The following GRM8 variants were observed in gnomAD, a reference collection of about 807,000 sequenced individuals.
GRM8 encodes metabotropic glutamate receptor 8.
In GRM8, 47 loss-of-function variants were observed where a neutral mutation model predicts 87.2. That is an observed-to-expected ratio of 0.54 (90% CI 0.43 to 0.69). GRM8 has a LOEUF of 0.69. Among genes scored for constraint, GRM8 ranks in the 30% least tolerant of loss-of-function variants. The pLI is 0.00. For missense variants in GRM8, 1,019 were observed against 1,139.2 expected (o/e 0.89, Z 1.52); for synonymous variants, 396 against 404.5 (o/e 0.98, Z 0.25).
intron 7 of GRM8, among the ~76,000 whole-genome samples, chr7:126,661,058 A>G (rs1805108336): frequency 6.6e-6 from 1 of 152,236 alleles, no homozygotes; most frequent in African/African-American, 2.4e-5. Context: ...TGGGTTAAAA[A>G]AATAGTTAGA....
intron 3 of GRM8, chr7:127,075,979 T>G (rs1822216689): frequency 2.8e-6 from 1 of 358,500 alleles, no homozygotes; most frequent in Non-Finnish European, 5.5e-6. Flanking sequence ...GCTACAATGT[T>G]TAATGAATTG....
intron 2 of GRM8, among the ~76,000 whole-genome samples, chr7:127,154,401 T>C (rs1013470129): frequency 2.0e-5 from 3 of 152,030 alleles, no homozygotes; most frequent in African/African-American, 7.2e-5. Context: ...GTAAGTGATG[T>C]TCTCTCTCAC....
At chr7:126,826,123 T>A (rs1269770910) in intron 6 of GRM8, among the ~76,000 whole-genome samples, 3 of 152,134 alleles carry the variant, frequency 2.0e-5, no homozygotes, top group African/African-American at 7.2e-5. Flanking sequence ...TCTATCATTG[T>A]TGGACATTTG....
At chr7:126,939,546 G>T (rs554563169) in intron 3 of GRM8, among the ~76,000 whole-genome samples, 42 of 152,282 alleles carry the variant, frequency 2.8e-4, no homozygotes, top group Non-Finnish European at 5.7e-4. Context: ...ATGGATGACG[G>T]AAACTTTATT....
intron 3 of GRM8, among the ~76,000 whole-genome samples, chr7:126,988,769 C>A (rs897393425): frequency 6.6e-6 from 1 of 152,108 alleles, no homozygotes; most frequent in Non-Finnish European, 1.5e-5. Flanking sequence ...ATACATGCAA[C>A]CTGAATATTC....
At chr7:126,614,139 A>G (rs1253901544) in intron 7 of GRM8, among the ~76,000 whole-genome samples, 1 of 152,186 alleles carries the variant, frequency 6.6e-6, no homozygotes, top group Non-Finnish European at 1.5e-5. Context: ...GTAGGGGCAG[A>G]CTAACACCTC....
At chr7:126,612,592 C>A (rs181850329) in intron 7 of GRM8, among the ~76,000 whole-genome samples, 1 of 152,298 alleles carries the variant, frequency 6.6e-6, no homozygotes, top group Admixed American at 6.5e-5. Flanking sequence ...TGTACCTGAC[C>A]AAACATTTAT....
At chr7:127,091,776 G>A (rs1339962965) in intron 3 of GRM8, among the ~76,000 whole-genome samples, 29 of 50,554 alleles carry the variant, frequency 5.7e-4, no homozygotes, top group Admixed American at 4.2e-3. Context: ...TCCCTCCGCC[G>A]TCCCACTGAT....
At chr7:126,671,511 G>A (rs189307031) in intron 7 of GRM8, among the ~76,000 whole-genome samples, 11 of 152,262 alleles carry the variant, frequency 7.2e-5, no homozygotes, top group African/African-American at 2.6e-4. Flanking sequence ...CTTATCATAT[G>A]CTTGTCATTA....
chr7:126,677,492 A>G (rs1272711255), intron 7 of GRM8, among the ~76,000 whole-genome samples: 1 of 152,184 alleles, frequency 6.6e-6, no homozygotes, highest in African/African-American at 2.4e-5. Context: ...AAAACGTCAT[A>G]TATATACACC....
chr7:127,116,888 G>C (rs1223708850), intron 2 of GRM8, among the ~76,000 whole-genome samples: 3 of 152,126 alleles, frequency 2.0e-5, no homozygotes, highest in Non-Finnish European at 4.4e-5. Flanking sequence ...GCAAAACTGG[G>C]GTTCTTATGC....
intron 9 of GRM8, among the ~76,000 whole-genome samples, chr7:126,453,393 A>C (rs1802868517): frequency 6.6e-6 from 1 of 151,710 alleles, no homozygotes; most frequent in Admixed American, 6.6e-5. Flanking sequence ...CATATTTGCA[A>C]CATGAAGAGT....
intron 8 of GRM8, among the ~76,000 whole-genome samples, chr7:126,587,414 C>T (rs1343159970): frequency 6.6e-6 from 1 of 152,114 alleles, no homozygotes; most frequent in Admixed American, 6.5e-5. Flanking sequence ...ATAGCAAAGA[C>T]TTGGAACCAA....
chr7:127,009,447 C>T (rs750847432), intron 3 of GRM8, among the ~76,000 whole-genome samples: 8 of 152,090 alleles, frequency 5.3e-5, no homozygotes, highest in Non-Finnish European at 5.9e-5. Flanking sequence ...CCTAGAATGA[C>T]ATTCTTTACA....
chr7:127,233,833 G>A (rs1254154979), intron 2 of GRM8, among the ~76,000 whole-genome samples: 1 of 152,190 alleles, frequency 6.6e-6, no homozygotes, highest in African/African-American at 2.4e-5. Flanking sequence ...CCTCATTCTA[G>A]AAACAGATAA....
chr7:126,727,640 AG>A (rs1191111409), intron 7 of GRM8, among the ~76,000 whole-genome samples: 1 of 151,836 alleles, frequency 6.6e-6, no homozygotes, highest in Non-Finnish European at 1.5e-5. Context: ...AATGGCTTAA[AG>A]TGGATTTTAA....
At chr7:126,744,110 A>G (rs930246262) in intron 7 of GRM8, among the ~76,000 whole-genome samples, 8 of 152,044 alleles carry the variant, frequency 5.3e-5, no homozygotes, top group African/African-American at 1.9e-4. Flanking sequence ...ATGTGTGAGT[A>G]AAAAAACAGT....
chr7:126,514,443 A>G (rs1811882901), intron 9 of GRM8, among the ~76,000 whole-genome samples: 1 of 152,152 alleles, frequency 6.6e-6, no homozygotes, highest in Non-Finnish European at 1.5e-5. Flanking sequence ...AAATTCCATG[A>G]AACTGTTTTA....
intron 8 of GRM8, among the ~76,000 whole-genome samples, chr7:126,564,716 T>C (rs1471398405): frequency 6.6e-6 from 1 of 152,028 alleles, no homozygotes; most frequent in Non-Finnish European, 1.5e-5. Context: ...AGAGAACACT[T>C]CCAAACTAAT....
Sources: gnomAD v4.1 joint callset for allele counts (sites outside exome capture counted in the v4.1 genomes callset) on GRCh38, gnomAD v4.1.1 for gene constraint, MANE v1.5 for transcripts, NCBI Gene and HGNC (gene_info 2026-07-23, HGNC 2026-07-21) for gene names.